Variants in PDE4D observed in about 807,000 individuals in gnomAD.
The protein encoded by PDE4D is 3',5'-cyclic-AMP phosphodiesterase 4D.
PDE4D carries 24 observed loss-of-function variants against 87.4 expected under a neutral mutation model. The observed-to-expected ratio is 0.27, with a 90% confidence interval of 0.20 to 0.39. The LOEUF (loss-of-function observed/expected upper bound fraction) is 0.39. PDE4D is among the 10% of genes least tolerant of loss of function. The pLI is 1.00. For synonymous variants in PDE4D, 384 were observed against 383.2 expected, an observed-to-expected ratio of 1.00 and a Z score of -0.02; for missense variants, 714 against 1,041.0, an observed-to-expected ratio of 0.69 and a Z score of 4.32.
chr5:59,304,022 T>C (rs191447292), intron 1 of PDE4D, among the ~76,000 whole-genome samples: 154 of 152,182 alleles, frequency 1.0e-3, no homozygotes, highest in Middle Eastern at 3.4e-3. Flanking sequence ...CCATCCATGA[T>C]CACGGGATGT....
chr5:60,351,898 T>G (rs1276449324), intron 1 of PDE4D, among the ~76,000 whole-genome samples: 2 of 151,220 alleles, frequency 1.3e-5, no homozygotes, highest in African/African-American at 4.9e-5. Flanking sequence ...CTTGAACTCT[T>G]GGGGTCAAGC....
intron 6 of PDE4D, among the ~76,000 whole-genome samples, chr5:59,026,589 G>A (rs942345853): frequency 1.3e-5 from 2 of 152,066 alleles, no homozygotes; most frequent in African/African-American, 4.8e-5. Flanking sequence ...CAATAAAACA[G>A]AGACACAAAA....
intron 6 of PDE4D, chr5:58,999,574 T>A: frequency 1.7e-6 from 2 of 1,194,484 alleles, no homozygotes; most frequent in South Asian, 5.1e-5. Flanking sequence ...TATATGTATA[T>A]ATATAGTAAG....
chr5:59,838,379 A>T (rs1742473187), intron 1 of PDE4D, among the ~76,000 whole-genome samples: 1 of 152,070 alleles, frequency 6.6e-6, no homozygotes, highest in Non-Finnish European at 1.5e-5. Flanking sequence ...TCATATCCCC[A>T]TAAGGGATGC....
At chr5:59,430,612 T>C (rs1795969092) in intron 1 of PDE4D, 1 of 379,102 alleles carries the variant, frequency 2.6e-6, no homozygotes. Flanking sequence ...GTTCATTCTG[T>C]TCATGGATAC....
chr5:59,440,885 A>G (rs41447947), intron 1 of PDE4D, among the ~76,000 whole-genome samples: 41,003 of 152,140 alleles, frequency 0.27, 9,120 homozygotes, highest in African/African-American at 0.62. Flanking sequence ...GGAAAAACAA[A>G]TATCTGGTTC....
At chr5:59,326,934 G>T (rs138540892) in intron 1 of PDE4D, among the ~76,000 whole-genome samples, 223 of 152,160 alleles carry the variant, frequency 1.5e-3, no homozygotes, top group African/African-American at 5.1e-3. Flanking sequence ...TCATGTAATA[G>T]CTCATTTCAG....
At chr5:59,326,022 A>G (rs573779271) in intron 1 of PDE4D, among the ~76,000 whole-genome samples, 2 of 152,288 alleles carry the variant, frequency 1.3e-5, no homozygotes, top group South Asian at 4.1e-4. Flanking sequence ...CAAGGACAGA[A>G]AACCAAACAC....
intron 1 of PDE4D, among the ~76,000 whole-genome samples, chr5:60,356,185 TC>T (rs1377164711): frequency 2.0e-5 from 3 of 152,092 alleles, no homozygotes; most frequent in East Asian, 3.8e-4. Context: ...CTTTTATCAA[TC>T]CCCAGGAACT....
At chr5:59,800,668 G>T (rs1767020276) in intron 1 of PDE4D, among the ~76,000 whole-genome samples, 1 of 142,448 alleles carries the variant, frequency 7.0e-6, no homozygotes, top group South Asian at 2.2e-4. Context: ...AGTTGCTATT[G>T]TATAGCTGGC....
intron 1 of PDE4D, among the ~76,000 whole-genome samples, chr5:59,710,431 C>T (rs1392136931): frequency 6.6e-6 from 1 of 152,128 alleles, no homozygotes. Context: ...GGCAGAACTC[C>T]AGTATTCTGC....
Position 59,893,389 on chromosome 5 carries a change from C to G in PDE4D, c.234G>C (p.Pro78=), listed in dbSNP as rs1381024324. 5.1e-6 allele frequency: 6 copies of G among 1,181,830 alleles called. No homozygotes were observed. Among genetic ancestry groups the G allele is most frequent in the Admixed American group, 4.0e-5 (1 of 24,914 alleles). 73.2% of individuals were successfully genotyped at this position (1,181,830 alleles called of 1,614,324 possible). The change falls in exon 1 of 15, where the codon CCG becomes CCC. Residue 78 remains proline (P), a synonymous_variant. Transcript: ENST00000340635. ...QPQCPLQPPP[P]PPLPPPPPPP... ...GCGGCGGGGGCGGCGGCAGGGGGGGCGGCGGCGGCGGCTGTAGCGGACACT... is the reference window on the plus strand; with the variant it reads ...GCGGCGGGGGCGGCGGCAGGGGGGGGGGCGGCGGCGGCTGTAGCGGACACT...
intron 1 of PDE4D, among the ~76,000 whole-genome samples, chr5:59,679,550 A>C (rs575086127): frequency 5.9e-5 from 9 of 152,278 alleles, no homozygotes; most frequent in African/African-American, 1.9e-4. Flanking sequence ...TGCACTCCAC[A>C]CAAAGAGATA....
intron 3 of PDE4D, among the ~76,000 whole-genome samples, chr5:59,917,674 G>A (rs1334839457): frequency 6.6e-6 from 1 of 152,156 alleles, no homozygotes; most frequent in African/African-American, 2.4e-5. Context: ...TTGCTCTTGT[G>A]TTGTAAGCTT....
At chr5:59,383,257 A>G (rs1295572225) in intron 1 of PDE4D, among the ~76,000 whole-genome samples, 1 of 151,988 alleles carries the variant, frequency 6.6e-6, no homozygotes, top group East Asian at 1.9e-4. Context: ...TTATGTCCCC[A>G]TTCACGATCT....
intron 2 of PDE4D, among the ~76,000 whole-genome samples, chr5:60,120,722 T>C (rs1321173457): frequency 6.6e-6 from 1 of 152,122 alleles, no homozygotes; most frequent in Non-Finnish European, 1.5e-5. Context: ...CTCCCACATC[T>C]TCCCACCACA....
chr5:58,998,387 A>G (rs1749704794), intron 6 of PDE4D, among the ~76,000 whole-genome samples: 1 of 152,168 alleles, frequency 6.6e-6, no homozygotes, highest in African/African-American at 2.4e-5. Context: ...ATTCTGGCGG[A>G]TAATGAGGGC....
intron 1 of PDE4D, among the ~76,000 whole-genome samples, chr5:60,269,045 T>C (rs1240888598): frequency 6.6e-6 from 1 of 152,216 alleles, no homozygotes; most frequent in Non-Finnish European, 1.5e-5. Context: ...GGCTCACACC[T>C]GTAATTCCAG....
chr5:59,586,327 A>G, intron 1 of PDE4D: 2 of 1,598,448 alleles, frequency 1.3e-6, no homozygotes, highest in East Asian at 2.2e-5. Context: ...TTGATTACTC[A>G]CCATATCCAG....
Sources: allele counts gnomAD v4.1 joint callset (sites outside exome capture counted in the v4.1 genomes callset), GRCh38; gene constraint gnomAD v4.1.1; transcripts MANE v1.5; gene names NCBI Gene and HGNC (gene_info 2026-07-23, HGNC 2026-07-21).